The following WDR91 variants were observed in gnomAD, a reference collection of about 807,000 sequenced individuals.
The protein encoded by WDR91 is WD repeat domain 91.
WDR91 carries 52 observed loss-of-function variants against 88.4 expected under a neutral mutation model. The ratio of observed to expected loss-of-function variants is 0.59; its 90% confidence interval spans 0.47 to 0.74. The LOEUF (loss-of-function observed/expected upper bound fraction) is 0.74, where lower values mean the gene tolerates loss of function less well. Among genes scored for constraint, WDR91 ranks in the 30% least tolerant of loss-of-function variants. The pLI is 0.00. For synonymous variants in WDR91, 362 were observed against 389.5 expected (o/e 0.93, Z 0.83); for missense variants, 824 against 954.5 (o/e 0.86, Z 1.80).
chr7:135,204,348 T>C lies in WDR91; in HGVS notation c.811A>G (p.Lys271Glu). Reference sequence around the variant, plus strand: ...GCAGGCGACAACCTTGAGGGGCTCTTCTTACTCTGAGGCAGCAGCGAGGAC... The same window carrying C: ...GCAGGCGACAACCTTGAGGGGCTCTCCTTACTCTGAGGCAGCAGCGAGGAC... ...FLSSLLPQSK[K>E]SPSRLSPAQG... Residue 271 changes from lysine (K) to glutamate (E), a missense_variant, in exon 6 of 15, where the codon AAG (lysine) becomes GAG (glutamate). Transcript: ENST00000354475. 1 of 1,614,144 alleles carries C rather than the reference T, an allele frequency of 6.2e-7. No individual in the cohort carries two copies. Among genetic ancestry groups the C allele is most frequent in the Non-Finnish European group, 8.5e-7 (1 of 1,180,018 alleles).
At position 135,205,917 on chromosome 7, in the gene WDR91, C is replaced by A; in HGVS notation, c.725+11G>T. ...GGCAAAGAAAAGGAAAGGGCCGTCA[C>A]ACACACTCACAGTTCCGAGTCCCCC... is the stretch of plus-strand genomic sequence containing the variant. On this transcript the variant is annotated intron_variant, in intron 5 of 14. Transcript: ENST00000354475. 1 of 1,612,942 alleles carries A rather than the reference C, an allele frequency of 6.2e-7. No individual in the cohort carries two copies. The highest frequency in any genetic ancestry group is 1.3e-5 in the African/African-American group (1 of 75,004).
intron 14 of WDR91, 52 bp downstream of exon 14, chr7:135,186,920 G>T: frequency 6.2e-7 from 1 of 1,606,606 alleles, no homozygotes; most frequent in East Asian, 2.2e-5. Flanking sequence ...CTCCAGGGAG[G>T]AACCCCTGCC....
rs140727697 is a variant in WDR91, at chr7:135,207,203, G to C, written c.512-1C>G. 4 of 1,603,572 alleles carry C rather than the reference G, an allele frequency of 2.5e-6. No individual in the cohort carries two copies. In the South Asian group the frequency reaches 4.4e-5, roughly 18 times the overall value. On this transcript the variant is annotated splice_acceptor_variant, in intron 3 of 14. Transcript: ENST00000354475. LOFTEE classifies it high-confidence loss of function. Reference sequence around the variant, plus strand: ...TCAAAGTTCAGGATCACAGGGACTGGTGCACGAAGTTAAAGAATAAGCCAG... The same window carrying C: ...TCAAAGTTCAGGATCACAGGGACTGCTGCACGAAGTTAAAGAATAAGCCAG...
rs936662991 is a variant in WDR91 at position 135,184,369 on chromosome 7, C to A, written c.*1782G>T. On this transcript the variant is annotated 3_prime_UTR_variant, in exon 15 of 15. Transcript: ENST00000354475. Reference sequence around the variant, plus strand: ...CTACTCCAGCCTTGTGCCCCTAGAACTGGGCTGGAGCTCAGAGACTTAAAA... The same window carrying A: ...CTACTCCAGCCTTGTGCCCCTAGAAATGGGCTGGAGCTCAGAGACTTAAAA... 6.6e-6 allele frequency: 1 copy of A among 152,196 alleles called. No homozygotes were observed. Among genetic ancestry groups the A allele is most frequent in the Non-Finnish European group, 1.5e-5 (1 of 68,026 alleles). 9.4% of individuals were successfully genotyped at this position (152,196 alleles called of 1,614,324 possible).
Position 135,211,398 on chromosome 7 carries a change from G to C in WDR91, c.105C>G (p.Asp35Glu). The C allele has an allele frequency of 6.2e-7, 1 of 1,611,286 alleles. No individual in the cohort carries two copies. Among genetic ancestry groups the C allele is most frequent in the African/African-American group, 1.3e-5 (1 of 74,676 alleles). The change falls in exon 1 of 15, where the codon GAC (aspartate) becomes GAG (glutamate). Residue 35 changes from aspartate to glutamate, a missense_variant. Transcript: ENST00000354475. The part of the protein sequence containing the change: ...LRQLDAEIKA[D>E]KEKGFRVDKI... ...CTCTCACCCGGAACCCCTTCTCCTT[G>C]TCCGCCTTGATCTCGGCGTCCAGCT...
At position 135,193,249 on chromosome 7, in the gene WDR91, C is replaced by T. The variant is rs756387766; in HGVS notation, c.1641G>A (p.Thr547=). ...QVPGRLLLWD[T]KTMKQQLQFS... is the part of the protein sequence containing the mutation. Reference sequence around the variant, plus strand: ...CCCGTACCTGCTGCTTCATGGTTTTCGTGTCCCACAGCAGCAGCCTGCCAG... The same window carrying T: ...CCCGTACCTGCTGCTTCATGGTTTTTGTGTCCCACAGCAGCAGCCTGCCAG... Residue 547 remains threonine, a synonymous_variant, in exon 11 of 15, where the codon ACG becomes ACA. Coordinates refer to ENST00000354475, the MANE Select transcript of WDR91 (RefSeq NM_014149.4). 16 of 1,613,904 alleles carry T rather than the reference C, an allele frequency of 9.9e-6. 1 individual carries two copies. The highest frequency in any genetic ancestry group is 7.7e-5 in the South Asian group (7 of 91,082).
chr7:135,210,385 T>C (rs1309456607), intron 1 of WDR91, among the ~76,000 whole-genome samples: 1 of 152,114 alleles, frequency 6.6e-6, no homozygotes, highest in African/African-American at 2.4e-5. Flanking sequence ...TGCTTAACTG[T>C]AGTTTCAGTT....
In WDR91 at chr7:135,192,116, T is replaced by G. The variant is rs1479487117; in HGVS notation, c.1659+1115A>C. Among the ~76,000 whole-genome samples, 17 of 146,866 alleles carry G rather than the reference T, an allele frequency of 1.2e-4. 4 individuals are homozygous for G. The highest frequency in any genetic ancestry group is 2.0e-4 in the East Asian group (1 of 5,034). ...ACCCCAATTTCTGTTGTGTTTTTTT[T>G]TTTTTTTTTTTTTTTTTTTGAGACA... On this transcript the variant is annotated intron_variant, in intron 11 of 14. Coordinates refer to ENST00000354475, the MANE Select transcript of WDR91 (RefSeq NM_014149.4).
In WDR91 at chr7:135,185,869, A is replaced by T. The variant is rs1028031514; in HGVS notation, c.*282T>A. 9.6e-6 allele frequency: 4 copies of T among 417,304 alleles called. No individual in the cohort carries two copies. The highest frequency in any genetic ancestry group is 8.3e-5 in the African/African-American group (4 of 48,156). 25.9% of individuals were successfully genotyped at this position (417,304 alleles called of 1,614,324 possible). A position where few individuals can be genotyped will look rare whatever the true frequency, so the allele number is the denominator to read the frequency against. On this transcript the variant is annotated 3_prime_UTR_variant, in exon 15 of 15. Coordinates refer to ENST00000354475, the MANE Select transcript of WDR91 (RefSeq NM_014149.4). ...TTTCTACTGGGCCAACACAGTAGCCACTGCAATGTTTCTCCTTCTTCCGGA... is the reference window on the plus strand; with the variant it reads ...TTTCTACTGGGCCAACACAGTAGCCTCTGCAATGTTTCTCCTTCTTCCGGA...
chr7:135,206,239 CAAT>C (rs945002741), intron 4 of WDR91, among the ~76,000 whole-genome samples, 181 bp from the exon 5 acceptor site: 1 of 152,312 alleles, frequency 6.6e-6, no homozygotes, highest in African/African-American at 2.4e-5. Flanking sequence ...CACTGGACAA[CAAT>C]GAGGTGAGAA....
chr7:135,191,425 G>A (rs1009716785), intron 11 of WDR91, among the ~76,000 whole-genome samples: 2 of 152,044 alleles, frequency 1.3e-5, no homozygotes, highest in Non-Finnish European at 1.5e-5. Context: ...CCAACATGGT[G>A]AAACCCCATT....
intron 9 of WDR91, 79 bp from the exon 10 acceptor site, chr7:135,193,751 G>A (rs1831262588): frequency 8.0e-7 from 1 of 1,253,586 alleles, no homozygotes; most frequent in Non-Finnish European, 1.1e-6. Flanking sequence ...GAGGGGGTGA[G>A]GCTGGGCAGG....
chr7:135,188,388 C>G, intron 13 of WDR91, 45 bp downstream of exon 13: 1 of 1,559,944 alleles, frequency 6.4e-7, no homozygotes, highest in Non-Finnish European at 8.8e-7. Context: ...AGCCGGCCCA[C>G]ATGTCATCCC....
chr7:135,191,670 AG>A (rs1831171875), intron 11 of WDR91, among the ~76,000 whole-genome samples: 1 of 151,424 alleles, frequency 6.6e-6, no homozygotes, highest in Non-Finnish European at 1.5e-5. Context: ...TCTCTCTGGA[AG>A]GGAAAAAGAC....
intron 1 of WDR91, 97 bp from the exon 2 acceptor site, chr7:135,209,852 G>A (rs1831948370): frequency 8.7e-7 from 1 of 1,152,834 alleles, no homozygotes; most frequent in East Asian, 2.8e-5. Flanking sequence ...GCTTCTGGGT[G>A]TAAAAAAAAA....
intron 1 of WDR91, chr7:135,210,889 T>C (rs1206222128): frequency 1.3e-5 from 9 of 703,598 alleles, no homozygotes; most frequent in Non-Finnish European, 2.1e-5. Context: ...TAATGTGCCA[T>C]GAGGTCTTCC....
rs140366094 is a variant in WDR91, at chr7:135,206,887, T to G, written c.594+233A>C. ...TTTTCTCCTTAAAAGTTAATTACTG[T>G]TACTATATTGTTCATGCTACATATC... On this transcript the variant is annotated intron_variant, in intron 4 of 14. Coordinates refer to ENST00000354475, the MANE Select transcript of WDR91 (RefSeq NM_014149.4). 2.2e-3 allele frequency: 568 copies of G among 256,972 alleles called. 2 individuals are homozygous for G. The highest frequency in any genetic ancestry group is 0.011 in the African/African-American group (524 of 46,072). The allele number at this position is 256,972 out of a possible 1,614,324, so 15.9% of individuals were successfully genotyped here.
intron 11 of WDR91, among the ~76,000 whole-genome samples, chr7:135,190,657 A>C (rs1248399821): frequency 2.1e-5 from 3 of 143,730 alleles, no homozygotes; most frequent in African/African-American, 7.4e-5. Flanking sequence ...GAGAGACTAT[A>C]AACACGACAA....
chr7:135,194,255 T>C (rs1365152043), intron 9 of WDR91, among the ~76,000 whole-genome samples: 1 of 152,182 alleles, frequency 6.6e-6, no homozygotes, highest in Non-Finnish European at 1.5e-5. Flanking sequence ...TCTGAGGGTG[T>C]CTCACAGGAA....
Sources: allele counts gnomAD v4.1 joint callset (sites outside exome capture counted in the v4.1 genomes callset), GRCh38; gene constraint gnomAD v4.1.1; transcripts MANE v1.5; gene names NCBI Gene and HGNC (gene_info 2026-07-23, HGNC 2026-07-21).